Variants in CPLX1 observed in about 807,000 individuals in gnomAD.
The protein encoded by CPLX1 is complexin-1.
In CPLX1, 6 loss-of-function variants were observed where a neutral mutation model predicts 15.6. The observed-to-expected ratio is 0.39, with a 90% CI of 0.21 to 0.76. The LOEUF (loss-of-function observed/expected upper bound fraction) is 0.76. CPLX1 is among the 30% of genes least tolerant of loss of function. The pLI is 0.43. For synonymous variants in CPLX1, 91 were observed against 75.2 expected (o/e 1.21, Z -1.08); for missense variants, 242 against 188.6 (o/e 1.28, Z -1.66).
At chr4:824,931 C>G (rs763877862) in intron 1 of CPLX1, 7 of 379,570 alleles carry the variant, frequency 1.8e-5, no homozygotes, top group Non-Finnish European at 3.6e-5. Flanking sequence ...GTGACTGCTC[C>G]GCTCTGCAGC....
At position 786,538 on chromosome 4, in the gene CPLX1, T is replaced by G; in HGVS notation, c.368A>C (p.Tyr123Ser). 1.2e-6 allele frequency: 2 copies of G among 1,604,092 alleles called. No homozygotes were observed. Among genetic ancestry groups the G allele is most frequent in the South Asian group, 1.1e-5 (1 of 89,604 alleles). ...DESILDTVIK[Y>S]LPGPLQDMLK... ...CATGTCCTGCAGCGGCCCGGGCAGG[T>G]ACTTGATGACGGTGTCCAGGATGCT... The change falls in exon 4 of 4, where the codon TAC (tyrosine) becomes TCC (serine). Residue 123 changes from tyrosine to serine, a missense_variant. Coordinates refer to ENST00000304062, the MANE Select transcript of CPLX1 (RefSeq NM_006651.4).
rs2306251 is a variant in CPLX1, at chr4:792,613, T to C, written c.32-5A>G. On this transcript the variant is annotated splice_polypyrimidine_tract_variant and splice_region_variant and intron_variant, in intron 2 of 3. Transcript: ENST00000304062. ...TCCCCATGTCCTTGGTGGCCCCTGG[T>C]ACAGAAGTTGGTGATTCAGACCGCC... 0.35 allele frequency: 567,188 copies of C among 1,608,474 alleles called. 102,929 individuals are homozygous for C. The highest frequency in any genetic ancestry group is 0.46 in the Middle Eastern group (2,798 of 6,024).
chr4:786,324 T>A lies in CPLX1; in HGVS notation c.*177A>T. 1.9e-6 allele frequency: 1 copy of A among 532,120 alleles called. No homozygotes were observed. Among genetic ancestry groups the A allele is most frequent in the Non-Finnish European group, 3.1e-6 (1 of 322,222 alleles). The allele number at this position is 532,120 out of a possible 1,614,324, so 33.0% of individuals were successfully genotyped here. On this transcript the variant is annotated 3_prime_UTR_variant, in exon 4 of 4. Transcript: ENST00000304062. ...AGGAGCACGGGGCGGACTGGGGGGG[T>A]CCTGGGGGCGCGCGCCCCTTGCCGG...
chr4:811,331 A>C (rs763668580), intron 2 of CPLX1, among the ~76,000 whole-genome samples: 1 of 151,882 alleles, frequency 6.6e-6, no homozygotes, highest in Non-Finnish European at 1.5e-5. Context: ...TTTTTCATAG[A>C]GATGGGATCT....
At chr4:816,800 C>G (rs1167945340) in intron 2 of CPLX1, among the ~76,000 whole-genome samples, 2 of 151,966 alleles carry the variant, frequency 1.3e-5, no homozygotes, top group South Asian at 4.1e-4. Flanking sequence ...CCAGCCTGGG[C>G]GACAGAGCGA....
chr4:815,179 G>A (rs897277216), intron 2 of CPLX1, among the ~76,000 whole-genome samples: 3 of 152,200 alleles, frequency 2.0e-5, no homozygotes, highest in Non-Finnish European at 2.9e-5. Flanking sequence ...GGGAGGCTGA[G>A]GCGGGTGGAT....
chr4:797,295 G>A lies in CPLX1; in HGVS notation c.32-4687C>T, dbSNP rs144376652. Among the ~76,000 whole-genome samples the A allele has an allele frequency of 2.7e-3, 416 of 152,258 alleles. 5 individuals are homozygous for A. Among genetic ancestry groups the A allele is most frequent in the African/African-American group, 9.5e-3 (394 of 41,564 alleles). On this transcript the variant is annotated intron_variant, in intron 2 of 3. Coordinates refer to ENST00000304062, the MANE Select transcript of CPLX1 (RefSeq NM_006651.4). ...CCCCATGGGAGCAGGCAGTCAGCTCGGAGCTGCAGCCCTGGCACCTAGAGC... is the reference window on the plus strand; with the variant it reads ...CCCCATGGGAGCAGGCAGTCAGCTCAGAGCTGCAGCCCTGGCACCTAGAGC...
chr4:818,384 A>G (rs1051987707), intron 2 of CPLX1, among the ~76,000 whole-genome samples: 1 of 152,260 alleles, frequency 6.6e-6, no homozygotes, highest in Non-Finnish European at 1.5e-5. Flanking sequence ...CCACCGTCTC[A>G]GAGAGGCTGA....
intron 3 of CPLX1, among the ~76,000 whole-genome samples, chr4:789,526 A>G (rs3775142): frequency 0.62 from 94,882 of 152,098 alleles, 30,020 homozygotes; most frequent in South Asian, 0.71. Context: ...GGGGGATGCA[A>G]TGTATTGAGG....
chr4:787,387 G>C, intron 3 of CPLX1: 2 of 985,162 alleles, frequency 2.0e-6, no homozygotes, highest in Non-Finnish European at 2.4e-6. Context: ...CGTAGTAGCT[G>C]AATATTGTCC....
At chr4:791,753 C>T (rs1199732388) in intron 3 of CPLX1, among the ~76,000 whole-genome samples, 1 of 152,210 alleles carries the variant, frequency 6.6e-6, no homozygotes, top group East Asian at 1.9e-4. Context: ...GGGGTGAGCA[C>T]TGCGCCCCAG....
At chr4:812,253 T>A (rs753929655) in intron 2 of CPLX1, among the ~76,000 whole-genome samples, 9 of 152,008 alleles carry the variant, frequency 5.9e-5, no homozygotes, top group Non-Finnish European at 1.3e-4. Context: ...TTTTTGTATT[T>A]TTAGTAGAGA....
Position 786,708 on chromosome 4 carries a change from AGGCGGGGGTCAG to A in CPLX1, c.208-22_208-11del, listed in dbSNP as rs1278597018. On this transcript the variant is annotated splice_polypyrimidine_tract_variant and intron_variant, in intron 3 of 3. Transcript: ENST00000304062. ...TCTTCTTGATGCCGTACTGCGGGGGAGGCGGGGGTCAGGGCGGGGGTCCCGGCGGCTCCCGGG... is the reference window on the plus strand; with the variant it reads ...TCTTCTTGATGCCGTACTGCGGGGGAGGCGGGGGTCCCGGCGGCTCCCGGG... 3.2e-6 allele frequency: 5 copies of A among 1,549,614 alleles called. No individual in the cohort carries two copies. Among genetic ancestry groups the A allele is most frequent in the African/African-American group, 1.4e-5 (1 of 71,192 alleles).
At chr4:789,957 C>A (rs1490771566) in intron 3 of CPLX1, among the ~76,000 whole-genome samples, 1 of 76,298 alleles carries the variant, frequency 1.3e-5, no homozygotes, top group Non-Finnish European at 2.6e-5. Context: ...CAGGGTTCCC[C>A]TACCCCAACA....
At chr4:788,440 C>T (rs1387246275) in intron 3 of CPLX1, 6 of 985,364 alleles carry the variant, frequency 6.1e-6, no homozygotes, top group African/African-American at 1.7e-5. Flanking sequence ...AGAGAGGGGC[C>T]GTGGGCTCGC....
At chr4:792,167 C>T (rs917254347) in intron 3 of CPLX1, among the ~76,000 whole-genome samples, 2 of 152,218 alleles carry the variant, frequency 1.3e-5, no homozygotes, top group African/African-American at 4.8e-5. Flanking sequence ...CCAGGCTCCA[C>T]GCAGGGCTGC....
intron 3 of CPLX1, chr4:787,065 C>CT: frequency 2.0e-6 from 2 of 985,334 alleles, no homozygotes; most frequent in Non-Finnish European, 2.4e-6. Context: ...GGGCAGGATG[C>CT]TGCGTGGCAG....
At chr4:823,109 C>G (rs531281325) in intron 2 of CPLX1, among the ~76,000 whole-genome samples, 1 of 152,274 alleles carries the variant, frequency 6.6e-6, no homozygotes, top group Non-Finnish European at 1.5e-5. Context: ...TCTTACAAGC[C>G]CACCTCAGGG....
At chr4:796,379 G>A (rs1349944215) in intron 2 of CPLX1, among the ~76,000 whole-genome samples, 38 of 152,138 alleles carry the variant, frequency 2.5e-4, no homozygotes, top group Non-Finnish European at 2.1e-4. Flanking sequence ...TCCGCCTCCC[G>A]GGTTCACGCA....
Sources: allele counts gnomAD v4.1 joint callset (sites outside exome capture counted in the v4.1 genomes callset), GRCh38; gene constraint gnomAD v4.1.1; transcripts MANE v1.5; gene names NCBI Gene and HGNC (gene_info 2026-07-23, HGNC 2026-07-21).